OSBP2: variants seen among roughly 807,000 people sequenced by gnomAD.
OSBP2 encodes oxysterol binding protein 2, also known as oxysterol-binding protein 2.
OSBP2 carries 66 observed loss-of-function variants against 96.0 expected under a neutral mutation model. The observed-to-expected ratio is 0.69, with a 90% CI of 0.56 to 0.84. The LOEUF is 0.84. Ranked by LOEUF, OSBP2 falls within the 40% of genes least tolerant of loss-of-function variation. The probability of loss-of-function intolerance (pLI) is 0.00; values close to 1 mark genes in which losing one functional copy is unlikely to be tolerated. For synonymous variants in OSBP2, 525 were observed against 520.9 expected (o/e 1.01, Z -0.11); for missense variants, 1,038 against 1,222.7 (o/e 0.85, Z 2.25).
intron 2 of OSBP2, among the ~76,000 whole-genome samples, chr22:30,771,488 T>A (rs570631829): frequency 2.5e-4 from 38 of 152,308 alleles, no homozygotes; most frequent in Non-Finnish European, 4.6e-4. Flanking sequence ...CCCCTGCCCA[T>A]GTATGGCACA....
At chr22:30,702,651 A>C (rs1379726185) in intron 1 of OSBP2, among the ~76,000 whole-genome samples, 3 of 151,998 alleles carry the variant, frequency 2.0e-5, no homozygotes, top group Non-Finnish European at 4.4e-5. Flanking sequence ...ACAAAACAAA[A>C]CAGTACCTTC....
At position 30,881,558 on chromosome 22, in the gene OSBP2, G is replaced by A. The variant is rs962035962; in HGVS notation, c.1108-5868G>A. The A allele has an allele frequency of 2.5e-5, 20 of 799,482 alleles. No individual in the cohort carries two copies. Among genetic ancestry groups the A allele is most frequent in the Non-Finnish European group, 3.0e-5 (17 of 571,172 alleles). 49.5% of individuals were successfully genotyped at this position (799,482 alleles called of 1,614,324 possible). On this transcript the variant is annotated intron_variant, in intron 3 of 13. Transcript: ENST00000332585. This position sits in a 1 kb window ranked among gnomAD's most constrained non-coding sequence, Gnocchi z 4.5. ...CACAGCCTCAGAGAAATGAGACCAC[G>A]TTCAGGCCTGGGCTGGGTCAGCCAG...
intron 12 of OSBP2, among the ~76,000 whole-genome samples, chr22:30,901,842 C>T (rs920447492): frequency 3.3e-5 from 5 of 152,030 alleles, no homozygotes; most frequent in Non-Finnish European, 5.9e-5. Context: ...CCAGCCTGGA[C>T]GACGAGTGAA....
intron 2 of OSBP2, among the ~76,000 whole-genome samples, chr22:30,808,586 C>A (rs1391135391): frequency 6.6e-6 from 1 of 152,160 alleles, no homozygotes; most frequent in Non-Finnish European, 1.5e-5. Context: ...AGGGTCTTTG[C>A]AGATGGAATC....
intron 2 of OSBP2, among the ~76,000 whole-genome samples, chr22:30,765,019 A>T (rs1391348420): frequency 1.3e-5 from 2 of 151,904 alleles, no homozygotes; most frequent in African/African-American, 4.8e-5. Flanking sequence ...GTCATATGGC[A>T]CCTAGGGACC....
At position 30,907,269 on chromosome 22, in the gene OSBP2, C is replaced by G. The variant is rs2147206892; in HGVS notation, c.*930C>G. ...CATCCCTCCTCATCCTAGGAGGCCC[C>G]TAGGGGTGCCCCATCTCAGTGTCCC... On this transcript the variant is annotated 3_prime_UTR_variant, in exon 14 of 14. Coordinates refer to ENST00000332585, the MANE Select transcript of OSBP2 (RefSeq NM_030758.4). 1 of 152,626 alleles carries G rather than the reference C, an allele frequency of 6.6e-6. No individual in the cohort carries two copies. The highest frequency in any genetic ancestry group is 2.1e-4 in the South Asian group (1 of 4,826). 9.5% of individuals were successfully genotyped at this position (152,626 alleles called of 1,614,324 possible).
chr22:30,711,307 A>G (rs2089344272), intron 1 of OSBP2, among the ~76,000 whole-genome samples: 1 of 151,844 alleles, frequency 6.6e-6, no homozygotes, highest in African/African-American at 2.4e-5. Context: ...TATTTATACA[A>G]TGTTTGATAC....
chr22:30,796,893 AAT>A (rs2145834712), intron 2 of OSBP2, among the ~76,000 whole-genome samples: 1 of 152,310 alleles, frequency 6.6e-6, no homozygotes, highest in African/African-American at 2.4e-5. Flanking sequence ...AGTGGCATTA[AAT>A]ATATTAGTGT....
At chr22:30,838,091 G>A (rs1210157338) in intron 2 of OSBP2, among the ~76,000 whole-genome samples, 1 of 152,144 alleles carries the variant, frequency 6.6e-6, no homozygotes, top group Non-Finnish European at 1.5e-5. Flanking sequence ...TAAGTCATTT[G>A]GTAAAGATAG....
chr22:30,901,977 A>G (rs114381777), intron 12 of OSBP2, among the ~76,000 whole-genome samples: 2,610 of 152,262 alleles, frequency 0.017, 84 homozygotes, highest in African/African-American at 0.06. Flanking sequence ...GACTATTCCA[A>G]TAACAAAAAC....
chr22:30,710,524 C>A (rs995530812), intron 1 of OSBP2, among the ~76,000 whole-genome samples: 1 of 152,010 alleles, frequency 6.6e-6, no homozygotes, highest in Non-Finnish European at 1.5e-5. Flanking sequence ...TTGGAAGGAC[C>A]CCTGATAGAA....
chr22:30,729,944 T>A (rs2089719413), intron 1 of OSBP2, among the ~76,000 whole-genome samples: 1 of 152,040 alleles, frequency 6.6e-6, no homozygotes, highest in African/African-American at 2.4e-5. Context: ...ATAATAAATT[T>A]CTGGGTTTTT....
intron 2 of OSBP2, among the ~76,000 whole-genome samples, chr22:30,843,391 G>A (rs1049507741): frequency 1.3e-4 from 19 of 151,968 alleles, no homozygotes; most frequent in Admixed American, 1.2e-3. Context: ...TTGCCAAACT[G>A]GCAGTGCTCC....
intron 2 of OSBP2, among the ~76,000 whole-genome samples, chr22:30,828,253 CGT>C (rs2038445928): frequency 6.6e-6 from 1 of 152,232 alleles, no homozygotes; most frequent in Non-Finnish European, 1.5e-5. Flanking sequence ...TTGTCTTTTC[CGT>C]TAGGCAGAAA....
chr22:30,724,896 G>A (rs140331003), intron 1 of OSBP2, among the ~76,000 whole-genome samples: 184 of 152,264 alleles, frequency 1.2e-3, no homozygotes, highest in African/African-American at 3.8e-3. Flanking sequence ...TTTATAAGCC[G>A]GGCGCAGTGG....
chr22:30,704,555 C>T (rs1203969807), intron 1 of OSBP2, among the ~76,000 whole-genome samples: 3 of 149,118 alleles, frequency 2.0e-5, no homozygotes, highest in South Asian at 2.1e-4. Flanking sequence ...CTTGCTGTGT[C>T]GCCCAGGCTG....
chr22:30,869,116 C>A (rs1033436420), intron 2 of OSBP2, among the ~76,000 whole-genome samples: 1 of 151,862 alleles, frequency 6.6e-6, no homozygotes, highest in African/African-American at 2.4e-5. Context: ...TGGTGCGCCA[C>A]CCCCCAGAGA....
At chr22:30,715,452 C>T (rs2089435047) in intron 1 of OSBP2, among the ~76,000 whole-genome samples, 1 of 151,240 alleles carries the variant, frequency 6.6e-6, no homozygotes, top group Non-Finnish European at 1.5e-5. Context: ...TCATGGCTCA[C>T]TGCAGCCCCA....
intron 2 of OSBP2, among the ~76,000 whole-genome samples, chr22:30,750,815 G>A (rs1465132837): frequency 6.6e-6 from 1 of 152,218 alleles, no homozygotes; most frequent in African/African-American, 2.4e-5. Context: ...CACGATCTCA[G>A]CTTACTGCAA....
Sources: gnomAD v4.1 joint callset for allele counts (sites outside exome capture counted in the v4.1 genomes callset) on GRCh38, gnomAD v4.1.1 for gene constraint, Gnocchi (gnomAD v3.1) non-coding constraint, MANE v1.5 for transcripts, NCBI Gene and HGNC (gene_info 2026-07-23, HGNC 2026-07-21) for gene names.